Variants in FSHR observed in about 807,000 individuals in gnomAD.
The protein encoded by FSHR is follicle-stimulating hormone receptor.
A neutral mutation model predicts 52.1 loss-of-function variants in FSHR; 46 were observed. That is an observed-to-expected ratio of 0.88 (90% CI 0.70 to 1.13). The LOEUF (loss-of-function observed/expected upper bound fraction) is 1.13. FSHR is among the 50% of genes most tolerant of loss of function. FSHR has a pLI of 0.00. For synonymous variants in FSHR, 399 were observed against 309.6 expected (o/e 1.29, Z -3.03); for missense variants, 964 against 834.6 (o/e 1.16, Z -1.91).
intron 1 of FSHR, among the ~76,000 whole-genome samples, chr2:49,133,183 C>T (rs909767308): frequency 1.1e-4 from 17 of 152,166 alleles, no homozygotes; most frequent in Non-Finnish European, 2.4e-4. Context: ...CCCAGCTGCC[C>T]GTTGCTGAGG....
intron 1 of FSHR, among the ~76,000 whole-genome samples, chr2:49,072,364 A>G (rs67566459): frequency 6.6e-6 from 1 of 152,026 alleles, no homozygotes; most frequent in Non-Finnish European, 1.5e-5. Context: ...CTCATTGGAT[A>G]TAGGTAAATT....
At chr2:49,089,951 A>ACTTACCAGTG (rs1346536496) in intron 1 of FSHR, among the ~76,000 whole-genome samples, 2 of 152,180 alleles carry the variant, frequency 1.3e-5, no homozygotes, top group Non-Finnish European at 2.9e-5. Context: ...CTCGAAAAAG[A>ACTTACCAGTG]CTTACCAGTG....
At chr2:49,138,235 A>G (rs187956041) in intron 1 of FSHR, among the ~76,000 whole-genome samples, 1 of 152,318 alleles carries the variant, frequency 6.6e-6, no homozygotes, top group East Asian at 1.9e-4. Context: ...CAATGATGTG[A>G]AAAAATAGTA....
At chr2:49,044,652 C>T (rs1444261126) in intron 2 of FSHR, among the ~76,000 whole-genome samples, 3 of 151,996 alleles carry the variant, frequency 2.0e-5, no homozygotes, top group Non-Finnish European at 4.4e-5. Flanking sequence ...TTTCCCCCAT[C>T]CCCCTCCCCC....
chr2:49,085,246 A>C (rs1171820265), intron 1 of FSHR, among the ~76,000 whole-genome samples: 2 of 152,260 alleles, frequency 1.3e-5, no homozygotes, highest in Non-Finnish European at 2.9e-5. Flanking sequence ...GACAAAACCC[A>C]CATGATTATC....
chr2:49,151,494 G>T (rs115986279), intron 1 of FSHR, among the ~76,000 whole-genome samples: 1,556 of 152,158 alleles, frequency 0.01, 8 homozygotes, highest in Middle Eastern at 0.017. Flanking sequence ...CAGATCATAG[G>T]AAATTAGCAA....
At position 48,963,375 on chromosome 2, in the gene FSHR, C is replaced by A. The variant is rs774526533; in HGVS notation, c.1446G>T (p.Gln482His). ...THAMQLDCKVQLRHAASVMVM... is the reference protein window; with the variant it reads ...THAMQLDCKVHLRHAASVMVM... ...CCATGACACTGGCAGCATGGCGGAGCTGCACCTTGCAGTCCAGCTGCATGG... is the reference window on the plus strand; with the variant it reads ...CCATGACACTGGCAGCATGGCGGAGATGCACCTTGCAGTCCAGCTGCATGG... The change falls in exon 10 of 10, where the codon CAG becomes CAT. Residue 482 changes from glutamine to histidine, a missense_variant. Coordinates refer to ENST00000406846, the MANE Select transcript of FSHR (RefSeq NM_000145.4). 2 of 1,614,052 alleles carry A rather than the reference C, an allele frequency of 1.2e-6. No homozygotes were observed.
intron 1 of FSHR, among the ~76,000 whole-genome samples, chr2:49,150,360 A>G (rs77182257): frequency 2.7e-3 from 418 of 152,194 alleles, no homozygotes; most frequent in Non-Finnish European, 4.5e-3. Context: ...CTTTATATCA[A>G]TTTTCCAAAA....
chr2:49,029,719 A>G (rs1211159209), intron 2 of FSHR, among the ~76,000 whole-genome samples: 1 of 152,220 alleles, frequency 6.6e-6, no homozygotes, highest in East Asian at 1.9e-4. Flanking sequence ...TTATTATTTC[A>G]CTGGAGTCAG....
intron 5 of FSHR, among the ~76,000 whole-genome samples, chr2:48,989,450 T>G (rs1675669995): frequency 6.6e-6 from 1 of 152,114 alleles, no homozygotes; most frequent in South Asian, 2.1e-4. Context: ...ACCCAGCTAA[T>G]TTTTGTATTT....
At chr2:49,016,028 A>C (rs748997229) in intron 4 of FSHR, among the ~76,000 whole-genome samples, 1 of 152,156 alleles carries the variant, frequency 6.6e-6, no homozygotes, top group Non-Finnish European at 1.5e-5. Flanking sequence ...GTTCCAGGTC[A>C]TATGAATTGT....
intron 2 of FSHR, among the ~76,000 whole-genome samples, chr2:49,027,850 C>CAAAA (rs397868435): frequency 1.2e-4 from 6 of 49,960 alleles, no homozygotes; most frequent in South Asian, 6.9e-4. Context: ...ACTCTTTCTC[C>CAAAA]AAAAAAAAAA....
At chr2:49,021,861 C>CTATATA (rs1338377124) in intron 2 of FSHR, among the ~76,000 whole-genome samples, 9 of 43,474 alleles carry the variant, frequency 2.1e-4, no homozygotes, top group South Asian at 1.0e-3. Context: ...CTCTCTCTCT[C>CTATATA]TCTATATATA....
intron 2 of FSHR, among the ~76,000 whole-genome samples, chr2:49,061,683 CTA>C (rs932716888): frequency 7.3e-6 from 1 of 137,454 alleles, no homozygotes; most frequent in African/African-American, 2.8e-5. Context: ...CTATATATAA[CTA>C]TATATTTATA....
chr2:49,045,703 C>G (rs1444099936), intron 2 of FSHR, among the ~76,000 whole-genome samples: 1 of 152,144 alleles, frequency 6.6e-6, no homozygotes, highest in Non-Finnish European at 1.5e-5. Flanking sequence ...TGGAAAAGGC[C>G]AGCTTTGCAC....
intron 2 of FSHR, among the ~76,000 whole-genome samples, chr2:49,022,621 C>G (rs891098578): frequency 6.6e-6 from 1 of 152,096 alleles, no homozygotes; most frequent in East Asian, 1.9e-4. Context: ...AATAAATGGT[C>G]CCACCTGTAT....
At chr2:48,993,837 C>T (rs555300035) in intron 4 of FSHR, among the ~76,000 whole-genome samples, 12 of 152,120 alleles carry the variant, frequency 7.9e-5, no homozygotes, top group Non-Finnish European at 1.5e-4. Flanking sequence ...CTTCACCTGG[C>T]GAACTTCAAC....
chr2:49,115,128 A>T (rs1671554478), intron 1 of FSHR, among the ~76,000 whole-genome samples: 1 of 148,840 alleles, frequency 6.7e-6, no homozygotes, highest in South Asian at 2.2e-4. Flanking sequence ...GGCATACAAG[A>T]TGAAGGGGAG....
Position 48,963,911 on chromosome 2 carries a change from T to C in FSHR, c.910A>G (p.Met304Val), listed in dbSNP as rs1041865358. The change falls in exon 10 of 10, where the codon ATG becomes GTG. Residue 304 changes from methionine to valine, a missense_variant. By Grantham distance (21) the Met-to-Val change is conservative. Coordinates refer to ENST00000406846, the MANE Select transcript of FSHR (RefSeq NM_000145.4). ...GATCTCTGACCCCTAGCCTGAGTCA[T>C]ATAATCAACTTCTTGCCTTAAAATA... ...KSILRQEVDY[M>V]TQARGQRSSL... The C allele has an allele frequency of 6.8e-6, 11 of 1,614,004 alleles. No homozygotes were observed. The highest frequency in any genetic ancestry group is 3.3e-5 in the Admixed American group (2 of 60,018).
Sources: allele counts gnomAD v4.1 joint callset (sites outside exome capture counted in the v4.1 genomes callset), GRCh38; gene constraint gnomAD v4.1.1; transcripts MANE v1.5; gene names NCBI Gene and HGNC (gene_info 2026-07-23, HGNC 2026-07-21).